Variants in NBEA observed in about 807,000 individuals in gnomAD.
NBEA encodes the protein lysosomal-trafficking regulator 2.
Under a neutral mutation model 343.4 loss-of-function variants are expected in NBEA, and 44 were observed. That is an observed-to-expected ratio of 0.13 (90% CI 0.10 to 0.16). NBEA has a LOEUF of 0.16. Ranked by LOEUF, NBEA falls within the 10% of genes least tolerant of loss-of-function variation. The pLI, the probability that NBEA is intolerant of heterozygous loss-of-function variation, is 1.00. For synonymous variants in NBEA, 1,175 were observed against 1,238.7 expected, an observed-to-expected ratio of 0.95 and a Z score of 1.08; for missense variants, 2,555 against 3,631.3, an observed-to-expected ratio of 0.70 and a Z score of 7.62.
intron 41 of NBEA, chr13:35,476,100 A>T: frequency 6.2e-7 from 1 of 1,614,182 alleles, no homozygotes; most frequent in South Asian, 1.1e-5. Flanking sequence ...TGTAGTATTT[A>T]TTCAGATGGT....
At chr13:35,107,959 T>G (rs2065999569) in intron 11 of NBEA, among the ~76,000 whole-genome samples, 1 of 152,092 alleles carries the variant, frequency 6.6e-6, no homozygotes, top group South Asian at 2.1e-4. Context: ...ACATTGTTGT[T>G]AGTTATTTGC....
chr13:34,989,934 T>A lies in NBEA; in HGVS notation c.294+46820T>A, dbSNP rs562411402. On this transcript the variant is annotated intron_variant, in intron 1 of 58. Transcript: ENST00000379939. ...CAAAACAAAGGGGTTACAGACCCCA[T>A]GCAAGTCCAAAGCCCAGAAAGGCAG... is the stretch of plus-strand genomic sequence containing the variant. Among the ~76,000 whole-genome samples the A allele has an allele frequency of 9.4e-4, 142 of 151,154 alleles. 1 individual carries two copies. Among genetic ancestry groups the A allele is most frequent in the African/African-American group, 3.3e-3 (138 of 41,514 alleles).
intron 24 of NBEA, among the ~76,000 whole-genome samples, chr13:35,168,654 A>G (rs2070227170): frequency 6.6e-6 from 1 of 151,450 alleles, no homozygotes. Flanking sequence ...TATTTATTAA[A>G]ATGTTCCATT....
At chr13:35,274,284 G>A in intron 34 of NBEA, among the ~76,000 whole-genome samples, 1 of 152,164 alleles carries the variant, frequency 6.6e-6, no homozygotes, top group Non-Finnish European at 1.5e-5. Flanking sequence ...CTCAATAGAT[G>A]CAGAAAAGGC....
intron 17 of NBEA, among the ~76,000 whole-genome samples, chr13:35,135,765 G>GTGTATATCT (rs1281247821): frequency 6.6e-6 from 1 of 151,476 alleles, no homozygotes; most frequent in Non-Finnish European, 1.5e-5. Flanking sequence ...CCTGATATAC[G>GTGTATATCT]TGTATATCTA....
chr13:35,216,587 A>G (rs1406933630), intron 33 of NBEA, among the ~76,000 whole-genome samples: 1 of 151,980 alleles, frequency 6.6e-6, no homozygotes, highest in Non-Finnish European at 1.5e-5. Flanking sequence ...GTACAAATGT[A>G]GTATTTTTTA....
intron 58 of NBEA, among the ~76,000 whole-genome samples, 163 bp downstream of exon 58, chr13:35,668,682 G>A (rs1398781582): frequency 6.6e-6 from 1 of 152,180 alleles, no homozygotes; most frequent in Admixed American, 6.5e-5. Context: ...GGATTCTAGT[G>A]AGAGGGAAAC....
intron 38 of NBEA, among the ~76,000 whole-genome samples, chr13:35,365,026 G>C (rs549858367): frequency 6.6e-6 from 1 of 151,832 alleles, no homozygotes; most frequent in South Asian, 2.1e-4. Context: ...TAGTGATGTA[G>C]ATCAATAATG....
chr13:35,459,489 T>C (rs1345839606), intron 40 of NBEA, among the ~76,000 whole-genome samples: 1 of 148,108 alleles, frequency 6.8e-6, no homozygotes, highest in Non-Finnish European at 1.5e-5. Flanking sequence ...CAGATTGTGA[T>C]AGAAAAAAAA....
chr13:35,252,818 A>C (rs547442405), intron 34 of NBEA, among the ~76,000 whole-genome samples: 8 of 152,278 alleles, frequency 5.3e-5, no homozygotes, highest in South Asian at 4.1e-4. Flanking sequence ...GGACTGAAGA[A>C]TCTGTTCCTG....
chr13:35,417,006 T>A (rs564731342), intron 38 of NBEA, among the ~76,000 whole-genome samples: 1 of 152,310 alleles, frequency 6.6e-6, no homozygotes, highest in South Asian at 2.1e-4. Context: ...TCTTCTAGAT[T>A]TTCTAGTTTA....
At chr13:35,165,689 C>CT (rs577851529) in intron 24 of NBEA, among the ~76,000 whole-genome samples, 2,513 of 134,822 alleles carry the variant, frequency 0.019, 27 homozygotes, top group East Asian at 0.026. Context: ...CTTTTCTTTT[C>CT]TTTTTTTTTT....
At chr13:35,614,727 A>G (rs2082661230) in intron 48 of NBEA, among the ~76,000 whole-genome samples, 1 of 152,224 alleles carries the variant, frequency 6.6e-6, no homozygotes. Context: ...TTCTTCTTAC[A>G]TGCAAACAGC....
At chr13:35,498,837 C>A (rs757728489) in intron 41 of NBEA, among the ~76,000 whole-genome samples, 2 of 151,998 alleles carry the variant, frequency 1.3e-5, no homozygotes, top group African/African-American at 4.8e-5. Flanking sequence ...TCCCCTTATA[C>A]CTTATGCTCA....
intron 1 of NBEA, among the ~76,000 whole-genome samples, chr13:35,014,200 T>G (rs2061576029): frequency 1.3e-5 from 2 of 152,212 alleles, no homozygotes; most frequent in African/African-American, 4.8e-5. Context: ...GAACATTATT[T>G]TGTTGTTCTA....
chr13:35,416,160 TA>T (rs1289614110), intron 38 of NBEA, among the ~76,000 whole-genome samples: 1 of 152,192 alleles, frequency 6.6e-6, no homozygotes, highest in Non-Finnish European at 1.5e-5. Flanking sequence ...TTTCTAAATA[TA>T]CAATGATGTC....
chr13:35,647,934 G>A (rs762882065), intron 51 of NBEA, among the ~76,000 whole-genome samples: 33 of 151,944 alleles, frequency 2.2e-4, no homozygotes, highest in Non-Finnish European at 3.7e-4. Context: ...AGAATATAGC[G>A]CCATGATCAT....
chr13:35,116,160 C>T (rs2066481816), intron 13 of NBEA, among the ~76,000 whole-genome samples: 1 of 152,082 alleles, frequency 6.6e-6, no homozygotes, highest in African/African-American at 2.4e-5. Flanking sequence ...GTAGCTTGAA[C>T]TTGAAATCAG....
At position 34,942,996 on chromosome 13, in the gene NBEA, G is replaced by A. The variant is rs2059077933; in HGVS notation, c.176G>A (p.Gly59Glu). ...TCCGGCTCGGTGATGCTCCCCGCGGGGATGATTAACCCTTCGGTGCCGATC... is the reference window on the plus strand; with the variant it reads ...TCCGGCTCGGTGATGCTCCCCGCGGAGATGATTAACCCTTCGGTGCCGATC... ...SGSGSVMLPA[G>E]MINPSVPIRN... Residue 59 changes from glycine to glutamate, a missense_variant, in exon 1 of 59, where the codon GGG (glycine) becomes GAG (glutamate). This residue lies in a region of NBEA where 185 missense variants were observed against 290.6 expected (regional missense o/e 0.64). Coordinates refer to ENST00000379939, the MANE Select transcript of NBEA (RefSeq NM_001385012.1). 1 of 1,611,176 alleles carries A rather than the reference G, an allele frequency of 6.2e-7. No homozygotes were observed. Among genetic ancestry groups the A allele is most frequent in the Non-Finnish European group, 8.5e-7 (1 of 1,178,796 alleles).
Sources: allele counts gnomAD v4.1 joint callset (sites outside exome capture counted in the v4.1 genomes callset), GRCh38; gene constraint gnomAD v4.1.1; regional missense constraint gnomAD v4.1.1; transcripts MANE v1.5; gene names NCBI Gene and HGNC (gene_info 2026-07-23, HGNC 2026-07-21).